Variants in SORCS1 observed in about 807,000 individuals in gnomAD.
The protein encoded by SORCS1 is VPS10 domain-containing receptor SorCS1.
A neutral mutation model predicts 146.1 loss-of-function variants in SORCS1; 60 were observed. The observed-to-expected ratio is 0.41, with a 90% CI of 0.33 to 0.51. The LOEUF is 0.51. Ranked by LOEUF, SORCS1 falls within the 20% of genes least tolerant of loss-of-function variation. The probability of loss-of-function intolerance (pLI) is 0.21; values close to 1 mark genes in which losing one functional copy is unlikely to be tolerated. For missense variants in SORCS1, 1,352 were observed against 1,487.6 expected (o/e 0.91, Z 1.50); for synonymous variants, 637 against 584.0 (o/e 1.09, Z -1.31).
chr10:106,725,268 G>A (rs1017715165), intron 6 of SORCS1, among the ~76,000 whole-genome samples: 11 of 152,214 alleles, frequency 7.2e-5, no homozygotes, highest in Admixed American at 2.0e-4. Flanking sequence ...TAATGAATGG[G>A]GTCGGGCGCA....
chr10:106,906,403 C>T (rs1048177255), intron 2 of SORCS1, among the ~76,000 whole-genome samples: 4 of 152,136 alleles, frequency 2.6e-5, no homozygotes, highest in Non-Finnish European at 4.4e-5. Flanking sequence ...TGTGAGCCAC[C>T]GTGGCTGGCC....
chr10:106,861,707 T>C (rs1950022770), intron 2 of SORCS1, among the ~76,000 whole-genome samples: 1 of 151,942 alleles, frequency 6.6e-6, no homozygotes, highest in Non-Finnish European at 1.5e-5. Context: ...CTGGCCAACA[T>C]GGTGCAACCC....
At chr10:106,666,589 C>G (rs1851167467) in intron 17 of SORCS1, among the ~76,000 whole-genome samples, 1 of 146,578 alleles carries the variant, frequency 6.8e-6, no homozygotes, top group Non-Finnish European at 1.5e-5. Flanking sequence ...CAGAGTCTTA[C>G]TCGGTCACCC....
chr10:106,965,075 A>G (rs1216840413), intron 1 of SORCS1, among the ~76,000 whole-genome samples: 1 of 151,806 alleles, frequency 6.6e-6, no homozygotes, highest in Non-Finnish European at 1.5e-5. Context: ...TAGCCCAACA[A>G]TGTCATCAAG....
In SORCS1 at chr10:106,955,700, C is replaced by T. The variant is rs185958920; in HGVS notation, c.626+813G>A. 3.3e-3 allele frequency among the ~76,000 whole-genome samples: 502 copies of T among 152,290 alleles called. 1 individual carries two copies. The highest frequency in any genetic ancestry group is 4.9e-3 in the Non-Finnish European group (332 of 68,018). The stretch of plus-strand genomic sequence containing the variant: ...AAGGGAAGTTAGTAAAGGAATGTTG[C>T]CCTGGGCCAGGCGCGGTGGCTCATG... On this transcript the variant is annotated intron_variant, in intron 2 of 25. Coordinates refer to ENST00000263054, the MANE Select transcript of SORCS1 (RefSeq NM_052918.5).
At chr10:106,585,428 A>G (rs1226061175) in intron 24 of SORCS1, among the ~76,000 whole-genome samples, 2 of 151,806 alleles carry the variant, frequency 1.3e-5, no homozygotes, top group Non-Finnish European at 2.9e-5. Context: ...AAGCAAAAAT[A>G]CCCCCCTACA....
chr10:106,889,970 T>G (rs1041746361), intron 2 of SORCS1, among the ~76,000 whole-genome samples: 1 of 148,400 alleles, frequency 6.7e-6, no homozygotes, highest in African/African-American at 2.5e-5. Context: ...GACTTTACAC[T>G]ACTATTTCTC....
At chr10:107,053,360 G>A (rs1279370945) in intron 1 of SORCS1, among the ~76,000 whole-genome samples, 1 of 152,120 alleles carries the variant, frequency 6.6e-6, no homozygotes, top group Non-Finnish European at 1.5e-5. Flanking sequence ...ATTACTGGAA[G>A]CCTTTAAAAT....
At chr10:106,854,479 C>T (rs1449885383) in intron 2 of SORCS1, among the ~76,000 whole-genome samples, 1 of 143,794 alleles carries the variant, frequency 7.0e-6, no homozygotes, top group Non-Finnish European at 1.5e-5. Context: ...GGATTATTGC[C>T]TATCACATTT....
chr10:106,950,387 G>C (rs1203619461), intron 2 of SORCS1, among the ~76,000 whole-genome samples: 1 of 152,136 alleles, frequency 6.6e-6, no homozygotes, highest in East Asian at 1.9e-4. Context: ...ACCACCTCAA[G>C]GGCATTTGCC....
intron 2 of SORCS1, among the ~76,000 whole-genome samples, chr10:106,948,547 AC>A (rs1291891186): frequency 6.6e-6 from 1 of 151,822 alleles, no homozygotes; most frequent in African/African-American, 2.4e-5. Context: ...AGTGGTGTGT[AC>A]CTGTAGTACC....
At position 106,984,420 on chromosome 10, in the gene SORCS1, G is replaced by A. The variant is rs147192938; in HGVS notation, c.559-27840C>T. Reference sequence around the variant, plus strand: ...TTTTTTTTTTTTTTTTTGAGACAGAGTTTTGCTCTGTCATCCAGGCTAGAG... The same window carrying A: ...TTTTTTTTTTTTTTTTTGAGACAGAATTTTGCTCTGTCATCCAGGCTAGAG... On this transcript the variant is annotated intron_variant, in intron 1 of 25. Transcript: ENST00000263054. Among the ~76,000 whole-genome samples, 61 of 134,568 alleles carry A rather than the reference G, an allele frequency of 4.5e-4. 1 individual carries two copies. In the East Asian group the frequency reaches 0.012, roughly 26 times the overall value. The allele number at this position is 134,568 out of a possible 152,430, so 88.3% of individuals were successfully genotyped here. A position where few individuals can be genotyped will look rare whatever the true frequency, so the allele number is the denominator to read the frequency against.
At chr10:106,866,474 G>A (rs1027451130) in intron 2 of SORCS1, among the ~76,000 whole-genome samples, 2 of 152,172 alleles carry the variant, frequency 1.3e-5, no homozygotes, top group Non-Finnish European at 2.9e-5. Context: ...CCACTACTAA[G>A]GTCTCTTCCT....
At chr10:106,834,788 C>A (rs1948715730) in intron 2 of SORCS1, among the ~76,000 whole-genome samples, 1 of 152,166 alleles carries the variant, frequency 6.6e-6, no homozygotes, top group South Asian at 2.1e-4. Flanking sequence ...TTTAAAAAAT[C>A]ATTTCAAAGC....
chr10:106,612,997 C>T (rs1847112209), intron 21 of SORCS1, among the ~76,000 whole-genome samples: 1 of 151,688 alleles, frequency 6.6e-6, no homozygotes, highest in Non-Finnish European at 1.5e-5. Context: ...GCTCACTACC[C>T]TCCCCCATCA....
At chr10:107,001,056 T>C (rs1423164518) in intron 1 of SORCS1, among the ~76,000 whole-genome samples, 1 of 152,204 alleles carries the variant, frequency 6.6e-6, no homozygotes, top group East Asian at 1.9e-4. Flanking sequence ...GGCTAGTCTC[T>C]GGAGTGACTA....
chr10:106,994,190 C>T (rs931490716), intron 1 of SORCS1, among the ~76,000 whole-genome samples: 22 of 151,944 alleles, frequency 1.4e-4, no homozygotes, highest in African/African-American at 5.3e-4. Flanking sequence ...AATCTAGTCC[C>T]AAGGACTTTC....
At chr10:106,775,258 G>C (rs1210117783) in intron 4 of SORCS1, among the ~76,000 whole-genome samples, 1 of 152,192 alleles carries the variant, frequency 6.6e-6, no homozygotes, top group Non-Finnish European at 1.5e-5. Context: ...TGTCTGAGCT[G>C]GTCAGGCTTC....
chr10:106,957,758 G>A (rs759245156), intron 1 of SORCS1, among the ~76,000 whole-genome samples: 11 of 152,084 alleles, frequency 7.2e-5, no homozygotes, highest in South Asian at 2.1e-4. Flanking sequence ...AGCTATATTC[G>A]CTCCACAGCA....
Sources: allele counts gnomAD v4.1 joint callset (sites outside exome capture counted in the v4.1 genomes callset), GRCh38; gene constraint gnomAD v4.1.1; transcripts MANE v1.5; gene names NCBI Gene and HGNC (gene_info 2026-07-23, HGNC 2026-07-21).